DGKE: variants seen among roughly 807,000 people sequenced by gnomAD.
The protein encoded by DGKE is DAG kinase epsilon.
Under a neutral mutation model 70.0 loss-of-function variants are expected in DGKE, and 53 were observed. The ratio of observed to expected loss-of-function variants is 0.76; its 90% CI spans 0.61 to 0.95. The LOEUF (loss-of-function observed/expected upper bound fraction) is 0.95, where lower values mean the gene tolerates loss of function less well. DGKE is among the 40% of genes least tolerant of loss of function. The pLI, the probability that DGKE is intolerant of heterozygous loss-of-function variation, is 0.00. For synonymous variants in DGKE, 291 were observed against 257.0 expected (o/e 1.13, Z -1.27); for missense variants, 655 against 706.9 (o/e 0.93, Z 0.83).
At chr17:56,845,913 A>G in intron 4 of DGKE, 104 bp downstream of exon 4, 1 of 1,187,914 alleles carries the variant, frequency 8.4e-7, no homozygotes, top group East Asian at 2.9e-5. Context: ...AGGAAAGAAT[A>G]ATAATTACAA....
rs746900292 is a variant in DGKE at position 56,851,267 on chromosome 17, A to G, written c.1098+2035A>G. On this transcript the variant is annotated intron_variant, in intron 7 of 11. Coordinates refer to ENST00000284061, the MANE Select transcript of DGKE (RefSeq NM_003647.3). ...CCCTAGATCACTTCCCCTTTCCCCA[A>G]CTTCACATGGTCATTTACTACCCTC... Among the ~76,000 whole-genome samples, 60 of 152,182 alleles carry G rather than the reference A, an allele frequency of 3.9e-4. 1 individual carries two copies. The highest frequency in any genetic ancestry group is 6.8e-4 in the Non-Finnish European group (46 of 67,994).
intron 7 of DGKE, among the ~76,000 whole-genome samples, chr17:56,853,407 T>A (rs934822771): frequency 6.6e-6 from 1 of 152,228 alleles, no homozygotes; most frequent in Non-Finnish European, 1.5e-5. Flanking sequence ...TTCCTTACAT[T>A]TTCCTTTAGT....
rs756395032 is a variant in DGKE at position 56,862,713 on chromosome 17, G to A, written c.1626G>A (p.Met542Ile). ...TAACTCACAAGACACATGCAATGATGTTATATTTCTCTGGAGAACAAACAG... is the reference window on the plus strand; with the variant it reads ...TAACTCACAAGACACATGCAATGATATTATATTTCTCTGGAGAACAAACAG... ...VTITHKTHAM[M>I]LYFSGEQTDD... is the part of the protein sequence containing the mutation. The change falls in exon 12 of 12, where the codon ATG (methionine) becomes ATA (isoleucine). Residue 542 changes from methionine (M) to isoleucine (I), a missense_variant. By Grantham distance (10) the Met-to-Ile change is conservative. Transcript: ENST00000284061. The A allele has an allele frequency of 6.2e-7, 1 of 1,610,972 alleles. No homozygotes were observed. The highest frequency in any genetic ancestry group is 8.5e-7 in the Non-Finnish European group (1 of 1,179,134).
At chr17:56,849,753 C>A (rs563211687) in intron 7 of DGKE, among the ~76,000 whole-genome samples, 1 of 152,140 alleles carries the variant, frequency 6.6e-6, no homozygotes, top group African/African-American at 2.4e-5. Flanking sequence ...GTTTTTATAA[C>A]TGAATATATG....
At chr17:56,861,763 G>C (rs368015077) in intron 9 of DGKE, 28 bp from the exon 10 acceptor site, 2 of 1,608,492 alleles carry the variant, frequency 1.2e-6, no homozygotes, top group African/African-American at 2.7e-5. Flanking sequence ...GTATCCTGTA[G>C]TCACTATCTA....
rs529036017 is a variant in DGKE, at chr17:56,843,014, T to C, written c.465-1005T>C. 1.2e-3 allele frequency among the ~76,000 whole-genome samples: 188 copies of C among 152,358 alleles called. 1 individual carries two copies. Among genetic ancestry groups the C allele is most frequent in the Non-Finnish European group, 2.2e-3 (149 of 68,046 alleles). On this transcript the variant is annotated intron_variant, in intron 2 of 11. Coordinates refer to ENST00000284061, the MANE Select transcript of DGKE (RefSeq NM_003647.3). ...GACAAAAAGAAATGCACGGTTGTAC[T>C]TACATTTACAGGTTAAGAGATTTTC...
rs1415858696 is a variant in DGKE, at chr17:56,834,951, G to A, written c.156G>A (p.Arg52=). 1.9e-6 allele frequency: 3 copies of A among 1,613,232 alleles called. No homozygotes were observed. The highest frequency in any genetic ancestry group is 1.7e-5 in the Admixed American group (1 of 60,020). ...GGTCGCGCCGGCAGCTGCACCGCAG[G>A]GACATCTTCCGCAAGAGCAAGCACG... ...LQRSRRQLHR[R]DIFRKSKHGW... is the part of the protein sequence containing the mutation. Residue 52 remains arginine (R), a synonymous_variant, in exon 2 of 12, where the codon AGG becomes AGA. Transcript: ENST00000284061.
chr17:56,835,287 C>G, intron 2 of DGKE, 28 bp downstream of exon 2: 1 of 1,574,660 alleles, frequency 6.4e-7, no homozygotes, highest in Non-Finnish European at 8.6e-7. Flanking sequence ...ACTCACTGTC[C>G]CAGAATGCGC....
At chr17:56,859,117 T>G (rs1198419593) in intron 9 of DGKE, among the ~76,000 whole-genome samples, 1 of 151,774 alleles carries the variant, frequency 6.6e-6, no homozygotes, top group African/African-American at 2.4e-5. Context: ...CAGATTATTT[T>G]TGTCGGGTAT....
At position 56,834,925 on chromosome 17, in the gene DGKE, CGGT is replaced by C; in HGVS notation, c.131_133del (p.Arg44_Ser45delinsPro). On this transcript the variant is annotated inframe_deletion, in exon 2 of 12. Coordinates refer to ENST00000284061, the MANE Select transcript of DGKE (RefSeq NM_003647.3). ...CATCACCTTCTGGTGTAGCCTCCAG[CGGT>C]CGCGCCGGCAGCTGCACCGCAGGGA... The C allele has an allele frequency of 6.2e-7, 1 of 1,613,344 alleles. No homozygotes were observed. Among genetic ancestry groups the C allele is most frequent in the Non-Finnish European group, 8.5e-7 (1 of 1,179,928 alleles).
At chr17:56,850,910 G>A (rs537177758) in intron 7 of DGKE, among the ~76,000 whole-genome samples, 2 of 152,284 alleles carry the variant, frequency 1.3e-5, no homozygotes, top group African/African-American at 4.8e-5. Context: ...CAGGGTGCAG[G>A]TGTGCTTAGT....
intron 2 of DGKE, among the ~76,000 whole-genome samples, chr17:56,840,392 T>TTG (rs1906900558): frequency 6.6e-6 from 1 of 151,730 alleles, no homozygotes; most frequent in Non-Finnish European, 1.5e-5. Flanking sequence ...TGTTGTTGTT[T>TTG]TTTGAGACAG....
At position 56,848,781 on chromosome 17, in the gene DGKE, G is replaced by A; in HGVS notation, c.974G>A (p.Gly325Asp). Residue 325 changes from glycine (G) to aspartate (D), a missense_variant, in exon 6 of 12, where the codon GGT (glycine) becomes GAT (aspartate). Transcript: ENST00000284061. Reference protein sequence around the residue: ...DLSNTLGWGTGYAGEIPVAQV... With the variant: ...DLSNTLGWGTDYAGEIPVAQV... ...TCCAATACATTGGGTTGGGGTACAG[G>A]TTATGCTGGAGAAATTCCAGTTGCG... is the stretch of plus-strand genomic sequence containing the variant. 1 of 1,614,178 alleles carries A rather than the reference G, an allele frequency of 6.2e-7. No individual in the cohort carries two copies. The highest frequency in any genetic ancestry group is 8.5e-7 in the Non-Finnish European group (1 of 1,180,022).
chr17:56,856,150 C>G (rs906613172), intron 7 of DGKE, among the ~76,000 whole-genome samples: 2 of 151,982 alleles, frequency 1.3e-5, no homozygotes, highest in African/African-American at 2.4e-5. Flanking sequence ...GACCAGTAGC[C>G]TGGGTTGGGA....
chr17:56,841,330 T>A (rs1292872810), intron 2 of DGKE, among the ~76,000 whole-genome samples: 1 of 152,124 alleles, frequency 6.6e-6, no homozygotes, highest in Non-Finnish European at 1.5e-5. Flanking sequence ...GTATATATAT[T>A]TTTAAAAACT....
At chr17:56,862,083 A>G in intron 10 of DGKE, 57 bp from the exon 11 acceptor site, 2 of 1,587,936 alleles carry the variant, frequency 1.3e-6, no homozygotes, top group Non-Finnish European at 1.7e-6. Context: ...TAATTGCTCT[A>G]GCATAACTGA....
rs1872025488 is a variant in DGKE, at chr17:56,867,410, G to A, written c.*4619G>A. ...AGGTCAGGAGTTTGAGACAAGCCTG[G>A]TCAACATGGTGAAACGCCGTCTCTA... On this transcript the variant is annotated 3_prime_UTR_variant, in exon 12 of 12. Coordinates refer to ENST00000284061, the MANE Select transcript of DGKE (RefSeq NM_003647.3). 1 of 152,136 alleles carries A rather than the reference G, an allele frequency of 6.6e-6. No individual in the cohort carries two copies. Among genetic ancestry groups the A allele is most frequent in the Admixed American group, 6.5e-5 (1 of 15,280 alleles). 9.4% of individuals were successfully genotyped at this position (152,136 alleles called of 1,614,324 possible).
In DGKE at chr17:56,855,212, C is replaced by A. The variant is rs144994145; in HGVS notation, c.1099-1300C>A. Among the ~76,000 whole-genome samples the A allele has an allele frequency of 2.9e-4, 43 of 149,954 alleles. No individual in the cohort carries two copies. In the East Asian group the frequency reaches 6.2e-3, roughly 22 times the overall value. On this transcript the variant is annotated intron_variant, in intron 7 of 11. Coordinates refer to ENST00000284061, the MANE Select transcript of DGKE (RefSeq NM_003647.3). ...TATGGGTTTTTTTTTTAAAGAACAA[C>A]TAGGATTGAAAATTATATTTTGGCA...
intron 7 of DGKE, 113 bp downstream of exon 7, chr17:56,849,345 G>C: frequency 1.1e-6 from 1 of 939,652 alleles, no homozygotes; most frequent in Non-Finnish European, 1.6e-6. Flanking sequence ...TGGCTGTGGA[G>C]CAGAACAGAA....
Sources: allele counts gnomAD v4.1 joint callset (sites outside exome capture counted in the v4.1 genomes callset), GRCh38; gene constraint gnomAD v4.1.1; transcripts MANE v1.5; gene names NCBI Gene and HGNC (gene_info 2026-07-23, HGNC 2026-07-21).